SLC41A2: variants seen among roughly 807,000 people sequenced by gnomAD.
SLC41A2 encodes solute carrier family 41 member 2, also known as SLC41A1-like 1.
Under a neutral mutation model 58.3 loss-of-function variants are expected in SLC41A2, and 32 were observed. The ratio of observed to expected loss-of-function variants is 0.55; its 90% CI spans 0.41 to 0.74. The LOEUF (loss-of-function observed/expected upper bound fraction) is 0.74, where lower values mean the gene tolerates loss of function less well. SLC41A2 is among the 30% of genes least tolerant of loss of function. SLC41A2 has a pLI of 0.00. For missense variants in SLC41A2, 514 were observed against 680.6 expected, an observed-to-expected ratio of 0.76 and a Z score of 2.72; for synonymous variants, 190 against 235.0, an observed-to-expected ratio of 0.81 and a Z score of 1.75.
At chr12:104,826,812 T>C (rs2041862161) in intron 10 of SLC41A2, among the ~76,000 whole-genome samples, 1 of 152,248 alleles carries the variant, frequency 6.6e-6, no homozygotes. Context: ...AGAGACATTA[T>C]GTCACTTTTG....
intron 1 of SLC41A2, among the ~76,000 whole-genome samples, chr12:104,933,682 C>A (rs1353650589): frequency 6.7e-6 from 1 of 149,594 alleles, no homozygotes; most frequent in Non-Finnish European, 1.5e-5. Context: ...TAAATACACA[C>A]ACACACATAC....
At chr12:104,882,140 C>G (rs1439658329) in intron 6 of SLC41A2, among the ~76,000 whole-genome samples, 1 of 151,948 alleles carries the variant, frequency 6.6e-6, no homozygotes, top group Admixed American at 6.6e-5. Context: ...ATTGCAACCC[C>G]TGCTTTTTTT....
intron 3 of SLC41A2, among the ~76,000 whole-genome samples, chr12:104,904,359 T>C (rs1402829164): frequency 1.3e-5 from 2 of 152,258 alleles, no homozygotes; most frequent in East Asian, 3.8e-4. Context: ...TCTTCAAATG[T>C]TGCCACTTTT....
At chr12:104,828,140 A>G (rs2041912808) in intron 10 of SLC41A2, among the ~76,000 whole-genome samples, 1 of 152,214 alleles carries the variant, frequency 6.6e-6, no homozygotes, top group Non-Finnish European at 1.5e-5. Flanking sequence ...ACATCAGCAG[A>G]GAAACAGATG....
intron 10 of SLC41A2, among the ~76,000 whole-genome samples, chr12:104,825,441 G>T (rs1475403473): frequency 6.6e-6 from 1 of 152,196 alleles, no homozygotes; most frequent in African/African-American, 2.4e-5. Context: ...TCTGAACCAG[G>T]AAAAAGATAT....
rs1159212546 is a variant in SLC41A2, at chr12:104,913,829, T to C, written c.556-4067A>G. Among the ~76,000 whole-genome samples, 4 of 152,212 alleles carry C rather than the reference T, an allele frequency of 2.6e-5. No individual in the cohort carries two copies. The East Asian group carries it at 5.8e-4, about 22-fold the overall frequency. ...GCTCACGCCTGTAATCCCAGCACTCTGGAAGGCCGAGGCAGATGGATCACT... is the reference window on the plus strand; with the variant it reads ...GCTCACGCCTGTAATCCCAGCACTCCGGAAGGCCGAGGCAGATGGATCACT... On this transcript the variant is annotated intron_variant, in intron 2 of 10. Coordinates refer to ENST00000258538, the MANE Select transcript of SLC41A2 (RefSeq NM_001352171.3).
rs2046003419 is a variant in SLC41A2 at position 104,909,845 on chromosome 12, CT to C, written c.556-84del. ...CAAAGACATTTCTAAAAATCTCAGCCTTTTTCCCAACTTGGCATCTACATTT... is the reference window on the plus strand; with the variant it reads ...CAAAGACATTTCTAAAAATCTCAGCCTTTTCCCAACTTGGCATCTACATTT... On this transcript the variant is annotated intron_variant, in intron 2 of 10. Coordinates refer to ENST00000258538, the MANE Select transcript of SLC41A2 (RefSeq NM_001352171.3). 4.9e-5 allele frequency: 46 copies of C among 948,348 alleles called. No homozygotes were observed. The South Asian group carries it at 7.0e-4, about 14-fold the overall frequency. 58.7% of individuals were successfully genotyped at this position (948,348 alleles called of 1,614,324 possible).
chr12:104,911,063 A>T (rs2046064212), intron 2 of SLC41A2, among the ~76,000 whole-genome samples: 1 of 152,186 alleles, frequency 6.6e-6, no homozygotes, highest in African/African-American at 2.4e-5. Context: ...ATTCCTTTCT[A>T]TTGATTCCAG....
intron 10 of SLC41A2, among the ~76,000 whole-genome samples, chr12:104,805,692 A>C (rs1370576454): frequency 6.6e-6 from 1 of 152,192 alleles, no homozygotes; most frequent in Admixed American, 6.6e-5. Flanking sequence ...GAAGGAAATA[A>C]AAATTTAAAT....
At chr12:104,881,107 G>C (rs2044345278) in intron 6 of SLC41A2, among the ~76,000 whole-genome samples, 1 of 152,150 alleles carries the variant, frequency 6.6e-6, no homozygotes, top group Admixed American at 6.5e-5. Context: ...TTGCGTAGAG[G>C]TGTTTATAGT....
intron 4 of SLC41A2, among the ~76,000 whole-genome samples, chr12:104,894,534 G>A (rs928408152): frequency 6.6e-5 from 10 of 152,104 alleles, no homozygotes; most frequent in Non-Finnish European, 1.5e-4. Context: ...ACTTGTACAC[G>A]TATTCAAAAA....
intron 10 of SLC41A2, among the ~76,000 whole-genome samples, chr12:104,813,276 A>T (rs144009247): frequency 6.6e-6 from 1 of 152,272 alleles, no homozygotes; most frequent in African/African-American, 2.4e-5. Context: ...TTAAAAAGAG[A>T]TAAAGGGAAA....
At chr12:104,826,903 A>C (rs2468105) in intron 10 of SLC41A2, among the ~76,000 whole-genome samples, 1 of 152,068 alleles carries the variant, frequency 6.6e-6, no homozygotes, top group Admixed American at 6.5e-5. Flanking sequence ...GTATCATGTA[A>C]AGTGTCAGGG....
chr12:104,858,716 T>G (rs1477689134), intron 8 of SLC41A2, among the ~76,000 whole-genome samples: 1 of 152,170 alleles, frequency 6.6e-6, no homozygotes, highest in East Asian at 1.9e-4. Flanking sequence ...TTGGTCGTGT[T>G]GCCCAGGCTG....
chr12:104,923,148 G>C (rs1038548015), intron 2 of SLC41A2, among the ~76,000 whole-genome samples: 1 of 145,324 alleles, frequency 6.9e-6, no homozygotes, highest in Non-Finnish European at 1.5e-5. Context: ...GGGTCACGAG[G>C]TCAGGAGGTC....
At position 104,888,991 on chromosome 12, in the gene SLC41A2, A is replaced by C. The variant is rs532720113; in HGVS notation, c.880+42T>G. Reference sequence around the variant, plus strand: ...GTCATCTTAAGAAATAAACCATTTAAATGTAAAAGGCTATAGAGTAGACAT... The same window carrying C: ...GTCATCTTAAGAAATAAACCATTTACATGTAAAAGGCTATAGAGTAGACAT... On this transcript the variant is annotated intron_variant, in intron 5 of 10. Coordinates refer to ENST00000258538, the MANE Select transcript of SLC41A2 (RefSeq NM_001352171.3). 15 of 1,483,010 alleles carry C rather than the reference A, an allele frequency of 1.0e-5. No homozygotes were observed. The South Asian group carries it at 2.0e-4, about 20-fold the overall frequency. The allele number at this position is 1,483,010 out of a possible 1,614,324, so 91.9% of individuals were successfully genotyped here.
intron 10 of SLC41A2, among the ~76,000 whole-genome samples, chr12:104,819,219 A>G (rs114213995): frequency 0.013 from 1,981 of 152,316 alleles, 39 homozygotes; most frequent in African/African-American, 0.044. Context: ...TCAGTAACAG[A>G]TAGCAAAAAA....
At chr12:104,818,279 A>G (rs1232563599) in intron 10 of SLC41A2, among the ~76,000 whole-genome samples, 2 of 152,200 alleles carry the variant, frequency 1.3e-5, no homozygotes, top group Admixed American at 6.5e-5. Context: ...GGCACAGAAT[A>G]TAAGTATCAT....
At position 104,803,308 on chromosome 12, in the gene SLC41A2, C is replaced by A. The variant is rs975063205; in HGVS notation, c.*1844G>T. Reference sequence around the variant, plus strand: ...AAATATTCATCAACTTAAACTTATTCTTTCTTTTATAAGAATGTTCACTAT... The same window carrying A: ...AAATATTCATCAACTTAAACTTATTATTTCTTTTATAAGAATGTTCACTAT... On this transcript the variant is annotated 3_prime_UTR_variant, in exon 11 of 11. Coordinates refer to ENST00000258538, the MANE Select transcript of SLC41A2 (RefSeq NM_001352171.3). The A allele has an allele frequency of 2.0e-5, 3 of 151,902 alleles. No homozygotes were observed. The highest frequency in any genetic ancestry group is 7.3e-5 in the African/African-American group (3 of 41,348). The allele number at this position is 151,902 out of a possible 1,614,324, so 9.4% of individuals were successfully genotyped here.
Sources: allele counts gnomAD v4.1 joint callset (sites outside exome capture counted in the v4.1 genomes callset), GRCh38; gene constraint gnomAD v4.1.1; transcripts MANE v1.5; gene names NCBI Gene and HGNC (gene_info 2026-07-23, HGNC 2026-07-21).